The following GRID2 variants were observed in gnomAD, a reference collection of about 807,000 sequenced individuals.
GRID2 encodes the protein glutamate receptor ionotropic, delta-2.
In GRID2, 33 loss-of-function variants were observed where a neutral mutation model predicts 114.8. The ratio of observed to expected loss-of-function variants is 0.29; its 90% CI spans 0.22 to 0.38. The LOEUF (loss-of-function observed/expected upper bound fraction) is 0.38. Among genes scored for constraint, GRID2 ranks in the 10% least tolerant of loss-of-function variants. The pLI, the probability that GRID2 is intolerant of heterozygous loss-of-function variation, is 1.00. For synonymous variants in GRID2, 505 were observed against 449.9 expected (o/e 1.12, Z -1.55); for missense variants, 1,184 against 1,257.7 (o/e 0.94, Z 0.89).
At position 92,304,648 on chromosome 4, in the gene GRID2, T is replaced by C. The variant is rs543473210; in HGVS notation, c.-9T>C. 1.3e-6 allele frequency: 2 copies of C among 1,599,562 alleles called. No homozygotes were observed. Among genetic ancestry groups the C allele is most frequent in the East Asian group, 2.2e-5 (1 of 44,806 alleles). On this transcript the variant is annotated 5_prime_UTR_variant, in exon 1 of 16. Coordinates refer to ENST00000282020, the MANE Select transcript of GRID2 (RefSeq NM_001510.4). ...AATCCATCCTCCAAGAGAATCGGCA[T>C]AGGAGGAGATGGAAGTTTTCCCCTT... is the stretch of plus-strand genomic sequence containing the variant.
intron 2 of GRID2, among the ~76,000 whole-genome samples, chr4:92,597,553 A>G (rs1291266672): frequency 6.6e-6 from 1 of 152,112 alleles, no homozygotes; most frequent in South Asian, 2.1e-4. Flanking sequence ...TTTATTTGGA[A>G]GAGTCTTTAG....
At chr4:93,203,874 T>C (rs1027765140) in intron 4 of GRID2, 1 of 152,066 alleles carries the variant, frequency 6.6e-6, no homozygotes, top group Admixed American at 6.6e-5. Context: ...CACAAGCACA[T>C]GGGAGGTTTT....
intron 12 of GRID2, among the ~76,000 whole-genome samples, chr4:93,513,334 G>A (rs1407313138): frequency 1.3e-5 from 2 of 152,102 alleles, no homozygotes; most frequent in South Asian, 2.1e-4. Flanking sequence ...TGTTTAAAAT[G>A]TTCATGTTTA....
chr4:92,418,215 G>T (rs1308259706), intron 1 of GRID2, among the ~76,000 whole-genome samples: 2 of 152,060 alleles, frequency 1.3e-5, no homozygotes, highest in Non-Finnish European at 2.9e-5. Flanking sequence ...ATAAATGAGA[G>T]CAATGAGCAT....
chr4:92,661,196 T>C (rs550080172), intron 2 of GRID2, among the ~76,000 whole-genome samples: 2 of 150,988 alleles, frequency 1.3e-5, no homozygotes, highest in Non-Finnish European at 3.0e-5. Flanking sequence ...ATGATGAAGT[T>C]AGAACATTTA....
intron 1 of GRID2, among the ~76,000 whole-genome samples, chr4:92,331,834 G>C (rs1726904748): frequency 6.6e-6 from 1 of 152,084 alleles, no homozygotes; most frequent in African/African-American, 2.4e-5. Context: ...ACACACAATA[G>C]AGGCAGGAAC....
chr4:93,291,451 T>C (rs1454321685), intron 8 of GRID2, among the ~76,000 whole-genome samples: 1 of 152,190 alleles, frequency 6.6e-6, no homozygotes, highest in African/African-American at 2.4e-5. Flanking sequence ...AATTAAGTGG[T>C]CATCACAGTG....
At chr4:93,623,047 C>T (rs1339686575) in intron 13 of GRID2, among the ~76,000 whole-genome samples, 1 of 152,064 alleles carries the variant, frequency 6.6e-6, no homozygotes, top group Admixed American at 6.6e-5. Flanking sequence ...TCACCTGTCT[C>T]ACGTTTTTTG....
At chr4:93,353,712 G>C (rs1323813550) in intron 8 of GRID2, among the ~76,000 whole-genome samples, 3 of 151,984 alleles carry the variant, frequency 2.0e-5, no homozygotes, top group African/African-American at 2.4e-5. Flanking sequence ...AATTCCAAAG[G>C]TGTTTTAAAA....
chr4:93,360,119 G>A lies in GRID2; in HGVS notation c.1246-35488G>A, dbSNP rs1049762022. ...AATGAGACAACTTCTTTATAGCTGCGATAATATTTTATTTCTACAGTTGTT... is the reference window on the plus strand; with the variant it reads ...AATGAGACAACTTCTTTATAGCTGCAATAATATTTTATTTCTACAGTTGTT... On this transcript the variant is annotated intron_variant, in intron 8 of 15. Transcript: ENST00000282020. Among the ~76,000 whole-genome samples, 7 of 151,802 alleles carry A rather than the reference G, an allele frequency of 4.6e-5. 1 individual carries two copies. The highest frequency in any genetic ancestry group is 3.9e-4 in the East Asian group (2 of 5,120).
chr4:92,532,658 TGA>T (rs1373454439), intron 1 of GRID2, among the ~76,000 whole-genome samples: 11 of 152,148 alleles, frequency 7.2e-5, no homozygotes, highest in Admixed American at 7.2e-4. Flanking sequence ...TACGAAGAAA[TGA>T]GTTTAGAGTA....
intron 14 of GRID2, among the ~76,000 whole-genome samples, chr4:93,740,708 A>G (rs1731289806): frequency 6.6e-6 from 1 of 152,158 alleles, no homozygotes; most frequent in Admixed American, 6.5e-5. Flanking sequence ...GCTTGAACTT[A>G]CTTCTTAAAA....
Position 93,194,276 on chromosome 4 carries a change from A to G in GRID2, c.736-13128A>G, listed in dbSNP as rs72889665. 2.3e-3 allele frequency among the ~76,000 whole-genome samples: 349 copies of G among 152,344 alleles called. 3 individuals are homozygous for G. The highest frequency in any genetic ancestry group is 8.0e-3 in the African/African-American group (332 of 41,590). ...TGAAAACTTAATTCTTGTAAATAAC[A>G]TCACCACAAATAGAAAATATGTGTC... On this transcript the variant is annotated intron_variant, in intron 4 of 15. Coordinates refer to ENST00000282020, the MANE Select transcript of GRID2 (RefSeq NM_001510.4).
intron 4 of GRID2, among the ~76,000 whole-genome samples, chr4:93,200,769 T>G (rs1742019339): frequency 6.6e-6 from 1 of 152,210 alleles, no homozygotes; most frequent in Admixed American, 6.5e-5. Flanking sequence ...TAGAAATGTG[T>G]GGCTAAATTA....
At chr4:93,448,900 C>T (rs1330907967) in intron 10 of GRID2, among the ~76,000 whole-genome samples, 10 of 25,720 alleles carry the variant, frequency 3.9e-4, no homozygotes, top group African/African-American at 1.9e-3. Flanking sequence ...TTCCCTTCCC[C>T]TTCCCTTCCC....
rs1734889979 is a variant in GRID2, at chr4:93,132,437, A to AT, written c.735+21488dup. 2.0e-5 allele frequency among the ~76,000 whole-genome samples: 3 copies of AT among 152,250 alleles called. No homozygotes were observed. In the South Asian group the frequency reaches 6.2e-4, roughly 32 times the overall value. On this transcript the variant is annotated intron_variant, in intron 4 of 15. Coordinates refer to ENST00000282020, the MANE Select transcript of GRID2 (RefSeq NM_001510.4). Reference sequence around the variant, plus strand: ...CTCAGGTTGCTTCACTTCCTGGCTGATTTTAAACACCTGGAGGAATGAACT... The same window carrying AT: ...CTCAGGTTGCTTCACTTCCTGGCTGATTTTTAAACACCTGGAGGAATGAACT...
chr4:93,504,864 T>C (rs1460260296), intron 12 of GRID2, among the ~76,000 whole-genome samples: 2 of 152,056 alleles, frequency 1.3e-5, no homozygotes, highest in South Asian at 2.1e-4. Flanking sequence ...AGATAACAAC[T>C]AAAATAATTT....
intron 8 of GRID2, among the ~76,000 whole-genome samples, chr4:93,312,693 A>C (rs1026343894): frequency 6.6e-6 from 1 of 152,168 alleles, no homozygotes; most frequent in Non-Finnish European, 1.5e-5. Context: ...TTATAAGTGA[A>C]CTAGAATACA....
At chr4:93,142,957 A>G (rs1735902573) in intron 4 of GRID2, among the ~76,000 whole-genome samples, 1 of 152,198 alleles carries the variant, frequency 6.6e-6, no homozygotes, top group Admixed American at 6.5e-5. Context: ...CATATTTCCC[A>G]GGTCACACAA....
Sources: gnomAD v4.1 joint callset for allele counts (sites outside exome capture counted in the v4.1 genomes callset) on GRCh38, gnomAD v4.1.1 for gene constraint, MANE v1.5 for transcripts, NCBI Gene and HGNC (gene_info 2026-07-23, HGNC 2026-07-21) for gene names.